Variants in CLDN14 observed in about 807,000 individuals in gnomAD.
CLDN14 encodes claudin 14.
A neutral mutation model predicts 2.1 loss-of-function variants in CLDN14; 2 were observed. That is an observed-to-expected ratio of 0.96 (90% confidence interval 0.39 to 3.01). The LOEUF (loss-of-function observed/expected upper bound fraction) is 3.01. CLDN14 is among the 30% of genes most tolerant of loss of function. The pLI, the probability that CLDN14 is intolerant of heterozygous loss-of-function variation, is 0.09. For synonymous variants in CLDN14, 136 were observed against 154.4 expected (o/e 0.88, Z 0.88); for missense variants, 298 against 328.0 (o/e 0.91, Z 0.71).
At chr21:36,470,084 A>G (rs1460921838) in intron 1 of CLDN14, among the ~76,000 whole-genome samples, 1 of 152,196 alleles carries the variant, frequency 6.6e-6, no homozygotes, top group Admixed American at 6.5e-5. Context: ...ACCCAGGTGG[A>G]CATACAAACA....
At chr21:36,534,034 G>A (rs1006875601) in intron 1 of CLDN14, among the ~76,000 whole-genome samples, 1 of 152,178 alleles carries the variant, frequency 6.6e-6, no homozygotes, top group African/African-American at 2.4e-5. Context: ...TGCCTGTGCA[G>A]CTGAGGACTA....
At chr21:36,514,510 C>T (rs140675277) in intron 1 of CLDN14, among the ~76,000 whole-genome samples, 91 of 152,326 alleles carry the variant, frequency 6.0e-4, no homozygotes, top group African/African-American at 2.1e-3. Context: ...AAACTCCACT[C>T]ATCCCAAACT....
intron 1 of CLDN14, among the ~76,000 whole-genome samples, chr21:36,553,524 C>T (rs762196344): frequency 1.3e-5 from 2 of 152,042 alleles, no homozygotes; most frequent in Non-Finnish European, 2.9e-5. Flanking sequence ...AGGCCCTGCC[C>T]GCCCATTTCT....
chr21:36,507,189 C>G (rs936740604), intron 2 of CLDN14, among the ~76,000 whole-genome samples: 1 of 151,856 alleles, frequency 6.6e-6, no homozygotes, highest in Non-Finnish European at 1.5e-5. Flanking sequence ...CAACCTGACA[C>G]AAGCGGCTGC....
Position 36,498,717 on chromosome 21 carries a change from C to T in CLDN14, c.-82+11646G>A, listed in dbSNP as rs1441902466. 6.6e-6 allele frequency among the ~76,000 whole-genome samples: 1 copy of T among 152,174 alleles called. No individual in the cohort carries two copies. ...AGCAGCCTACAGAAAGGTGGGGGCA[C>T]CTCTCAGCTGGCCTTCAGCTCCAAT... is the stretch of plus-strand genomic sequence containing the variant. On this transcript the variant is annotated intron_variant, in intron 2 of 2. Transcript: ENST00000342108. The surrounding 1 kb of genome is among the most constrained non-coding windows in gnomAD (Gnocchi z 4.9).
intron 1 of CLDN14, among the ~76,000 whole-genome samples, chr21:36,520,190 C>G (rs984384759): frequency 1.3e-5 from 2 of 152,168 alleles, no homozygotes; most frequent in Non-Finnish European, 2.9e-5. Flanking sequence ...TGGCCGTCTT[C>G]CCTCTGTGGG....
intron 1 of CLDN14, among the ~76,000 whole-genome samples, chr21:36,468,777 T>C (rs1448722110): frequency 6.6e-6 from 1 of 151,794 alleles, no homozygotes; most frequent in African/African-American, 2.4e-5. Context: ...CTTTTTTTTT[T>C]GAGACAGAAT....
At chr21:36,511,073 G>T (rs2087182756) in intron 1 of CLDN14, among the ~76,000 whole-genome samples, 1 of 152,224 alleles carries the variant, frequency 6.6e-6, no homozygotes. Flanking sequence ...GTTCTCCGAT[G>T]GTCATGGCTA....
intron 1 of CLDN14, among the ~76,000 whole-genome samples, chr21:36,562,249 G>C (rs534248442): frequency 1.3e-5 from 2 of 152,118 alleles, no homozygotes; most frequent in African/African-American, 4.8e-5. Flanking sequence ...TGGGAAATCT[G>C]GCAGGGTATG....
At chr21:36,562,742 G>C (rs1222709940) in intron 1 of CLDN14, among the ~76,000 whole-genome samples, 2 of 148,262 alleles carry the variant, frequency 1.3e-5, no homozygotes, top group Non-Finnish European at 3.0e-5. Context: ...CCTCTTTCCC[G>C]CCTGGGGAAT....
chr21:36,533,432 T>A (rs956573018), intron 1 of CLDN14, among the ~76,000 whole-genome samples: 15 of 152,218 alleles, frequency 9.9e-5, no homozygotes, highest in African/African-American at 3.1e-4. Flanking sequence ...TGCTTCCGGC[T>A]TACAATTGTG....
intron 1 of CLDN14, among the ~76,000 whole-genome samples, chr21:36,524,827 G>A (rs368458353): frequency 2.0e-5 from 3 of 152,266 alleles, no homozygotes; most frequent in South Asian, 2.1e-4. Context: ...ACGGAGGGAC[G>A]GGCCCTGCAC....
chr21:36,465,661 G>A (rs1475786465), intron 1 of CLDN14, among the ~76,000 whole-genome samples: 1 of 152,238 alleles, frequency 6.6e-6, no homozygotes, highest in Non-Finnish European at 1.5e-5. Context: ...AGGGCTGTTT[G>A]TATAGGAAGG....
chr21:36,461,065 A>G lies in CLDN14; in HGVS notation c.631T>C (p.Tyr211His). Residue 211 changes from tyrosine to histidine, a missense_variant, in exon 2 of 2, where the codon TAC becomes CAC. Transcript: ENST00000399135. ...TCTTTGTAGGCAGCTGGTGGCTGGT[A>G]GGCAGGTGCGGTGTTTGCAGTGGTC... ...TTTTANTAPAYQPPAAYKDNR... is the reference protein window; with the variant it reads ...TTTTANTAPAHQPPAAYKDNR... The G allele has an allele frequency of 6.2e-7, 1 of 1,614,046 alleles. No homozygotes were observed. Among genetic ancestry groups the G allele is most frequent in the Non-Finnish European group, 8.5e-7 (1 of 1,179,984 alleles).
intron 1 of CLDN14, among the ~76,000 whole-genome samples, chr21:36,518,575 G>A (rs2087246086): frequency 6.7e-6 from 1 of 150,328 alleles, no homozygotes; most frequent in South Asian, 2.1e-4. Context: ...CTCCAGCCTG[G>A]GTGACAGAGC....
chr21:36,540,262 C>T (rs1266555286), intron 1 of CLDN14, among the ~76,000 whole-genome samples: 1 of 152,064 alleles, frequency 6.6e-6, no homozygotes, highest in Non-Finnish European at 1.5e-5. Context: ...CAATGTACGT[C>T]CTCTCATACA....
intron 1 of CLDN14, among the ~76,000 whole-genome samples, chr21:36,468,065 T>C (rs1409682210): frequency 6.6e-6 from 1 of 152,214 alleles, no homozygotes; most frequent in Non-Finnish European, 1.5e-5. Context: ...CCTCAAATGC[T>C]CTGACATGAT....
intron 1 of CLDN14, among the ~76,000 whole-genome samples, chr21:36,519,705 G>C (rs978253610): frequency 8.5e-6 from 1 of 117,684 alleles, no homozygotes. Flanking sequence ...GTGAGACCCT[G>C]TCTAAAAAAC....
chr21:36,480,940 T>C (rs1356975161), upstream of CLDN14: 1 of 152,056 alleles, frequency 6.6e-6, no homozygotes, highest in Admixed American at 6.6e-5. Flanking sequence ...AATGGGACGG[T>C]GAAGGACAGA....
Sources: allele counts gnomAD v4.1 joint callset (sites outside exome capture counted in the v4.1 genomes callset), GRCh38; gene constraint gnomAD v4.1.1; non-coding constraint Gnocchi (gnomAD v3.1); transcripts MANE v1.5; gene names NCBI Gene and HGNC (gene_info 2026-07-23, HGNC 2026-07-21).